GRIN2B: variants seen among roughly 807,000 people sequenced by gnomAD.
GRIN2B encodes glutamate receptor ionotropic, NMDA 2B.
GRIN2B carries 5 observed loss-of-function variants against 114.5 expected under a neutral mutation model. That is an observed-to-expected ratio of 0.04 (90% CI 0.02 to 0.09). GRIN2B has a LOEUF of 0.09. Ranked by LOEUF, GRIN2B falls within the 10% of genes least tolerant of loss-of-function variation. The pLI is 1.00. For synonymous variants in GRIN2B, 787 were observed against 745.1 expected (o/e 1.06, Z -0.92); for missense variants, 1,108 against 1,943.5 (o/e 0.57, Z 8.08).
chr12:13,801,950 C>A (rs1220997805), intron 3 of GRIN2B, among the ~76,000 whole-genome samples: 3 of 152,046 alleles, frequency 2.0e-5, no homozygotes, highest in African/African-American at 7.2e-5. Flanking sequence ...GACAGGGACA[C>A]TTACCTTGGT....
At chr12:13,607,300 AT>A (rs1285581575) in intron 10 of GRIN2B, among the ~76,000 whole-genome samples, 3 of 58,592 alleles carry the variant, frequency 5.1e-5, no homozygotes, top group African/African-American at 1.5e-4. Flanking sequence ...ATATAAAAAT[AT>A]ATATTATATA....
chr12:13,783,040 A>T (rs1347720097), intron 3 of GRIN2B, among the ~76,000 whole-genome samples: 1 of 152,226 alleles, frequency 6.6e-6, no homozygotes, highest in Non-Finnish European at 1.5e-5. Context: ...AAAGACTGGG[A>T]AATGTTTTAA....
chr12:13,823,071 G>A (rs1183086254), intron 3 of GRIN2B, among the ~76,000 whole-genome samples: 1 of 151,902 alleles, frequency 6.6e-6, no homozygotes, highest in Non-Finnish European at 1.5e-5. Flanking sequence ...ATACCACATT[G>A]TCCTTTATAG....
At chr12:13,657,042 G>T (rs1949871813) in intron 5 of GRIN2B, among the ~76,000 whole-genome samples, 1 of 152,160 alleles carries the variant, frequency 6.6e-6, no homozygotes, top group Non-Finnish European at 1.5e-5. Context: ...CAGATGTCCT[G>T]CTTGAGTCAC....
chr12:13,974,370 T>A (rs1217916226), intron 2 of GRIN2B, among the ~76,000 whole-genome samples: 1 of 152,202 alleles, frequency 6.6e-6, no homozygotes, highest in African/African-American at 2.4e-5. Context: ...AAAGCAGAAA[T>A]TAGAGCCTCT....
Position 13,926,769 on chromosome 12 carries a change from C to T in GRIN2B, c.-19+53159G>A, listed in dbSNP as rs150194687. ...GAGATCGAGACCATCCTGGCTAACA[C>T]GGTGAAACCCAAGCTCTACTAAAAA... On this transcript the variant is annotated intron_variant, in intron 2 of 13. Transcript: ENST00000609686. 1.7e-3 allele frequency among the ~76,000 whole-genome samples: 258 copies of T among 152,154 alleles called. 2 individuals are homozygous for T. Among genetic ancestry groups the T allele is most frequent in the Middle Eastern group, 6.8e-3 (2 of 294 alleles).
At chr12:13,962,978 G>A (rs946508469) in intron 2 of GRIN2B, among the ~76,000 whole-genome samples, 2 of 152,064 alleles carry the variant, frequency 1.3e-5, no homozygotes, top group African/African-American at 2.4e-5. Context: ...CCCCTCACCC[G>A]CCACCTCTTC....
chr12:13,886,941 T>C (rs1034559601), intron 2 of GRIN2B, among the ~76,000 whole-genome samples: 1 of 152,188 alleles, frequency 6.6e-6, no homozygotes, highest in Non-Finnish European at 1.5e-5. Flanking sequence ...TAGATGTTAT[T>C]ATTAGCCCTA....
chr12:13,728,485 T>A (rs1863030531), intron 4 of GRIN2B, among the ~76,000 whole-genome samples: 1 of 152,182 alleles, frequency 6.6e-6, no homozygotes, highest in African/African-American at 2.4e-5. Context: ...TTGTAGGTAA[T>A]CTGATACCTA....
rs1863108488 is a variant in GRIN2B at position 13,980,312 on chromosome 12, C to T, written c.-403G>A. 1 of 152,100 alleles carries T rather than the reference C, an allele frequency of 6.6e-6. No homozygotes were observed. Among genetic ancestry groups the T allele is most frequent in the South Asian group, 2.1e-4 (1 of 4,810 alleles). The allele number at this position is 152,100 out of a possible 1,614,324, so 9.4% of individuals were successfully genotyped here. On this transcript the variant is annotated 5_prime_UTR_variant, in exon 2 of 14. Transcript: ENST00000609686. ...TCTGTGTGGAGAAGCTGGGGGCCGG[C>T]TCCGTCCCTCGGTGGAGCATGGTCA...
intron 3 of GRIN2B, among the ~76,000 whole-genome samples, chr12:13,768,617 G>A (rs534618524): frequency 5.9e-5 from 9 of 152,174 alleles, no homozygotes; most frequent in African/African-American, 9.7e-5. Flanking sequence ...AGTTCCTCTC[G>A]GCTTTCCAAC....
At chr12:13,649,106 A>G (rs1036949562) in intron 5 of GRIN2B, among the ~76,000 whole-genome samples, 10 of 152,148 alleles carry the variant, frequency 6.6e-5, no homozygotes, top group African/African-American at 2.2e-4. Flanking sequence ...CAGCTTCCTC[A>G]TTTGGAGGGA....
chr12:13,876,372 A>G (rs966658080), intron 2 of GRIN2B, among the ~76,000 whole-genome samples: 1 of 152,212 alleles, frequency 6.6e-6, no homozygotes, highest in Non-Finnish European at 1.5e-5. Flanking sequence ...GAATGTGAAT[A>G]TATTCTGTTC....
intron 4 of GRIN2B, among the ~76,000 whole-genome samples, chr12:13,723,429 C>T (rs550566116): frequency 7.1e-4 from 108 of 152,076 alleles, no homozygotes; most frequent in African/African-American, 2.5e-3. Flanking sequence ...AATTTTCTCT[C>T]CTTCCCTGTC....
intron 3 of GRIN2B, among the ~76,000 whole-genome samples, chr12:13,861,959 C>G (rs1443203954): frequency 6.6e-6 from 1 of 152,130 alleles, no homozygotes; most frequent in Non-Finnish European, 1.5e-5. Context: ...CCTCGACAAC[C>G]CTGTAATCAA....
At chr12:13,684,136 T>C (rs1201013982) in intron 4 of GRIN2B, among the ~76,000 whole-genome samples, 1 of 152,212 alleles carries the variant, frequency 6.6e-6, no homozygotes, top group Admixed American at 6.5e-5. Flanking sequence ...GTGAGGTTTT[T>C]TTGCAGTGGG....
chr12:13,788,084 G>T (rs1244370107), intron 3 of GRIN2B, among the ~76,000 whole-genome samples: 1 of 152,198 alleles, frequency 6.6e-6, no homozygotes, highest in African/African-American at 2.4e-5. Flanking sequence ...AGGAAGGAAG[G>T]ATAAAATATC....
chr12:13,827,575 ATT>A (rs1865067275), intron 3 of GRIN2B, among the ~76,000 whole-genome samples: 1 of 151,390 alleles, frequency 6.6e-6, no homozygotes, highest in Non-Finnish European at 1.5e-5. Flanking sequence ...TAGTTCAAAT[ATT>A]TTTTCTTTAA....
At chr12:13,780,424 G>A (rs1432434286) in intron 3 of GRIN2B, among the ~76,000 whole-genome samples, 1 of 152,196 alleles carries the variant, frequency 6.6e-6, no homozygotes, top group Non-Finnish European at 1.5e-5. Flanking sequence ...AATGTTATTT[G>A]TGTGGCCTTT....
Sources: allele counts gnomAD v4.1 joint callset (sites outside exome capture counted in the v4.1 genomes callset), GRCh38; gene constraint gnomAD v4.1.1; transcripts MANE v1.5; gene names NCBI Gene and HGNC (gene_info 2026-07-23, HGNC 2026-07-21).